FAM153A: variants seen among roughly 807,000 people sequenced by gnomAD.
FAM153A encodes the protein family with sequence similarity 153 member A, also known as protein FAM153A.
Under a neutral mutation model 48.1 loss-of-function variants are expected in FAM153A, and 12 were observed. The observed-to-expected ratio is 0.25, with a 90% CI of 0.16 to 0.40. The LOEUF (loss-of-function observed/expected upper bound fraction) is 0.40. Among genes scored for constraint, FAM153A ranks in the 10% least tolerant of loss-of-function variants. The pLI, the probability that FAM153A is intolerant of heterozygous loss-of-function variation, is 1.00. For synonymous variants in FAM153A, 36 were observed against 118.2 expected (o/e 0.30, Z 4.51); for missense variants, 111 against 345.8 (o/e 0.32, Z 5.38).
chr5:177,753,164 G>T (rs745808224), intron 1 of FAM153A: 8 of 1,610,142 alleles, frequency 5.0e-6, no homozygotes, highest in East Asian at 2.2e-5. Flanking sequence ...AGATGGAAAT[G>T]AACATACATA....
At chr5:177,700,950 G>A in the FAM153A span, among the ~76,000 whole-genome samples, 1 of 151,916 alleles carries the variant, frequency 6.6e-6, no homozygotes, top group Non-Finnish European at 1.5e-5. Context: ...ATCTCAGGTC[G>A]AATTATAATC....
intron 1 of FAM153A, among the ~76,000 whole-genome samples, chr5:177,779,154 A>T (rs1276264825): frequency 1.3e-5 from 2 of 151,628 alleles, no homozygotes; most frequent in East Asian, 3.9e-4. Flanking sequence ...TGGTTGACCC[A>T]TTCAAGGCAG....
At chr5:177,725,685 GA>G (rs1762290161) in intron 18 of FAM153A, among the ~76,000 whole-genome samples, 1 of 151,486 alleles carries the variant, frequency 6.6e-6, no homozygotes. Context: ...CAAGGCTGCT[GA>G]GCCAGAGAGG....
At position 177,729,284 on chromosome 5, in the gene FAM153A, G is replaced by A. The variant is rs1426372848; in HGVS notation, c.933+201C>T. Among the ~76,000 whole-genome samples, 2 of 120,576 alleles carry A rather than the reference G, an allele frequency of 1.7e-5. 1 individual carries two copies. The highest frequency in any genetic ancestry group is 5.9e-4 in the East Asian group (2 of 3,396). The allele number at this position is 120,576 out of a possible 152,430, so 79.1% of individuals were successfully genotyped here. A position where few individuals can be genotyped will look rare whatever the true frequency, so the allele number is the denominator to read the frequency against. On this transcript the variant is annotated intron_variant, in intron 17 of 20. Transcript: ENST00000614127. ...AGAAGGAATTTCTCTTAAGGAAAAT[G>A]CCTGTTGACACACAGTTTGTAAGTG... is the stretch of plus-strand genomic sequence containing the variant.
At chr5:177,727,838 T>C (rs1762890382) in intron 18 of FAM153A, among the ~76,000 whole-genome samples, 1 of 75,346 alleles carries the variant, frequency 1.3e-5, no homozygotes. Flanking sequence ...GATTATTTCA[T>C]TAAATACAAT....
intron 1 of FAM153A, among the ~76,000 whole-genome samples, chr5:177,771,339 G>T (rs1582538673): frequency 1.0e-5 from 1 of 97,524 alleles, no homozygotes; most frequent in African/African-American, 4.1e-5. Flanking sequence ...AAGAAGGACA[G>T]ATTATAATTG....
intron 1 of FAM153A, among the ~76,000 whole-genome samples, chr5:177,776,485 C>T (rs1328108810): frequency 2.0e-5 from 1 of 50,904 alleles, no homozygotes; most frequent in Non-Finnish European, 3.7e-5. Context: ...AACAGAGAGC[C>T]AAATCATGGG....
chr5:177,755,548 C>A (rs1241315216), upstream of FAM153A, among the ~76,000 whole-genome samples: 2 of 151,582 alleles, frequency 1.3e-5, no homozygotes, highest in African/African-American at 2.4e-5. Flanking sequence ...TTCACCAAAG[C>A]TGAAATGAAG....
chr5:177,702,632 G>A, the FAM153A span, among the ~76,000 whole-genome samples: 3 of 151,854 alleles, frequency 2.0e-5, no homozygotes, highest in African/African-American at 4.9e-5. Context: ...AGACTCAGAG[G>A]CCTAGAAGGG....
chr5:177,709,162 A>C (rs188921541), downstream of FAM153A, among the ~76,000 whole-genome samples: 1 of 143,224 alleles, frequency 7.0e-6, no homozygotes, highest in African/African-American at 2.6e-5. Flanking sequence ...GTCACTCAAG[A>C]GCATCTCACA....
upstream of FAM153A, among the ~76,000 whole-genome samples, chr5:177,754,215 A>G (rs1388175749): frequency 1.3e-5 from 2 of 152,000 alleles, no homozygotes; most frequent in African/African-American, 4.8e-5. Context: ...GGAGGGTCCT[A>G]TGCCCATGGA....
At chr5:177,746,824 G>A (rs568020524) in intron 4 of FAM153A, among the ~76,000 whole-genome samples, 25 of 151,482 alleles carry the variant, frequency 1.7e-4, no homozygotes, top group African/African-American at 5.9e-4. Context: ...AATTGGCTCT[G>A]TGAGATCTTG....
Position 177,739,094 on chromosome 5 carries a change from G to T in FAM153A, c.562+19C>A. On this transcript the variant is annotated intron_variant, in intron 10 of 20. Transcript: ENST00000614127. The stretch of plus-strand genomic sequence containing the variant: ...ACTAAGATTTTTCCTTAGCAAAAAG[G>T]TGATCCCAGAATACATACCGTTGGT... 1 of 1,612,580 alleles carries T rather than the reference G, an allele frequency of 6.2e-7. No homozygotes were observed. The highest frequency in any genetic ancestry group is 1.4e-5 in the African/African-American group (1 of 73,868).
chr5:177,702,197 C>T, the FAM153A span, among the ~76,000 whole-genome samples: 18,385 of 151,812 alleles, frequency 0.12, 1,440 homozygotes, highest in East Asian at 0.34. Context: ...CGTGAGCCAC[C>T]GCGCCTGGCC....
At chr5:177,710,883 C>T (rs976449665), downstream of FAM153A, among the ~76,000 whole-genome samples, 15 of 150,918 alleles carry the variant, frequency 9.9e-5, no homozygotes, top group Non-Finnish European at 8.9e-5. Context: ...CTCCTGACCT[C>T]AGGTGATCCA....
At chr5:177,723,555 C>T (rs1406174504) in exon 21 of FAM153A, 1 of 163,370 alleles carries the variant, frequency 6.1e-6, no homozygotes, top group Non-Finnish European at 1.3e-5. Context: ...ATGAGGCCAC[C>T]CCAGGCCCCC....
the FAM153A span, among the ~76,000 whole-genome samples, chr5:177,696,027 A>AC: frequency 2.4e-5 from 3 of 124,552 alleles, no homozygotes; most frequent in African/African-American, 9.8e-5. Flanking sequence ...CACTTCCTAG[A>AC]TGGGGCGGCC....
intron 11 of FAM153A, 34 bp from the exon 14 acceptor site, chr5:177,736,643 C>G (rs764282928): frequency 6.2e-7 from 1 of 1,601,816 alleles, no homozygotes; most frequent in Non-Finnish European, 8.5e-7. Flanking sequence ...AGGATCAGAC[C>G]AGGCTGTGTC....
intron 1 of FAM153A, among the ~76,000 whole-genome samples, chr5:177,761,124 C>T (rs1159726744): frequency 1.3e-5 from 2 of 150,060 alleles, no homozygotes; most frequent in Non-Finnish European, 3.0e-5. Context: ...TTGGGCTTGG[C>T]TGGAGAACTT....
Sources: gnomAD v4.1 joint callset for allele counts (sites outside exome capture counted in the v4.1 genomes callset) on GRCh38, gnomAD v4.1.1 for gene constraint, MANE v1.5 for transcripts, NCBI Gene and HGNC (gene_info 2026-07-23, HGNC 2026-07-21) for gene names.